RTN3: variants seen among roughly 807,000 people sequenced by gnomAD.
The protein encoded by RTN3 is reticulon 3.
A neutral mutation model predicts 77.8 loss-of-function variants in RTN3; 49 were observed. The observed-to-expected ratio is 0.63, with a 90% CI of 0.50 to 0.80. The LOEUF (loss-of-function observed/expected upper bound fraction) is 0.80. Ranked by LOEUF, RTN3 falls within the 30% of genes least tolerant of loss-of-function variation. RTN3 has a pLI of 0.00. For missense variants in RTN3, 1,236 were observed against 1,211.9 expected (o/e 1.02, Z -0.29); for synonymous variants, 464 against 446.9 (o/e 1.04, Z -0.48).
chr11:63,719,619 G>A lies in RTN3; in HGVS notation c.1117G>A (p.Glu373Lys), dbSNP rs1201162571. 3 of 1,613,658 alleles carry A rather than the reference G, an allele frequency of 1.9e-6. No individual in the cohort carries two copies. Among genetic ancestry groups the A allele is most frequent in the Non-Finnish European group, 2.5e-6 (3 of 1,179,934 alleles). ...ACTTGACATGAGTGAATATAATTCA[G>A]AAATTCCAGTTGTAAATCTTAAAAC... ...TGLDMSEYNS[E>K]IPVVNLKTST... The change falls in exon 3 of 9, where the codon GAA (glutamate) becomes AAA (lysine). Residue 373 changes from glutamate to lysine, a missense_variant. Physicochemically the swap from Glu to Lys is moderately conservative, Grantham distance 56. Coordinates refer to ENST00000377819, the MANE Select transcript of RTN3 (RefSeq NM_001265589.2).
chr11:63,711,461 C>CT (rs1395886790), intron 2 of RTN3, among the ~76,000 whole-genome samples: 1 of 151,410 alleles, frequency 6.6e-6, no homozygotes, highest in Non-Finnish European at 1.5e-5. Context: ...TCAATTAGGG[C>CT]TCACTGCAGC....
chr11:63,752,369 C>A, intron 4 of RTN3, 138 bp from the exon 5 acceptor site: 1 of 723,008 alleles, frequency 1.4e-6, no homozygotes, highest in East Asian at 2.5e-5. Context: ...GTCTCCACCC[C>A]ACCTGATGAC....
intron 3 of RTN3, among the ~76,000 whole-genome samples, chr11:63,724,215 C>T (rs1419635235): frequency 7.6e-6 from 1 of 131,562 alleles, no homozygotes; most frequent in Admixed American, 8.5e-5. Context: ...CAGAGTCTCG[C>T]TCTGTCGCCC....
chr11:63,706,297 C>T (rs1379111581), intron 2 of RTN3, among the ~76,000 whole-genome samples: 1 of 152,126 alleles, frequency 6.6e-6, no homozygotes, highest in Non-Finnish European at 1.5e-5. Context: ...TCAAGCGATC[C>T]CCCCACCTCA....
chr11:63,694,576 C>T (rs536194364), intron 1 of RTN3, among the ~76,000 whole-genome samples: 84 of 152,150 alleles, frequency 5.5e-4, no homozygotes, highest in Non-Finnish European at 4.6e-4. Flanking sequence ...GGGCTCAAGC[C>T]GTCCTCCCAC....
chr11:63,691,634 T>G (rs1000416771), intron 1 of RTN3, among the ~76,000 whole-genome samples: 14 of 152,190 alleles, frequency 9.2e-5, no homozygotes, highest in African/African-American at 3.4e-4. Flanking sequence ...TTCCTTCTTT[T>G]GCTCAAATCA....
intron 3 of RTN3, among the ~76,000 whole-genome samples, chr11:63,725,622 T>G (rs1317147324): frequency 1.3e-5 from 2 of 152,088 alleles, no homozygotes; most frequent in Admixed American, 6.6e-5. Flanking sequence ...CTAATTTTAT[T>G]TTTGTATTTT....
intron 3 of RTN3, among the ~76,000 whole-genome samples, chr11:63,746,240 C>T (rs1210076027): frequency 6.6e-6 from 1 of 152,176 alleles, no homozygotes; most frequent in Non-Finnish European, 1.5e-5. Flanking sequence ...TCCTGTCTTT[C>T]AAATATTTTG....
chr11:63,743,470 C>T (rs1319010477), intron 3 of RTN3, among the ~76,000 whole-genome samples: 1 of 151,938 alleles, frequency 6.6e-6, no homozygotes, highest in Non-Finnish European at 1.5e-5. Flanking sequence ...TGGAATTCTT[C>T]CTTGGTGGAA....
chr11:63,685,814 A>G (rs1052761494), intron 1 of RTN3, among the ~76,000 whole-genome samples: 1 of 152,194 alleles, frequency 6.6e-6, no homozygotes, highest in Non-Finnish European at 1.5e-5. Context: ...TTGGTGTCCT[A>G]CAGAAAACAA....
At chr11:63,687,953 C>A (rs1334370317) in intron 1 of RTN3, among the ~76,000 whole-genome samples, 1 of 152,134 alleles carries the variant, frequency 6.6e-6, no homozygotes, top group Non-Finnish European at 1.5e-5. Flanking sequence ...ACATTAATGT[C>A]ATAAAGCTGC....
chr11:63,705,394 T>C (rs895877518), intron 2 of RTN3, among the ~76,000 whole-genome samples: 1 of 152,150 alleles, frequency 6.6e-6, no homozygotes, highest in Non-Finnish European at 1.5e-5. Flanking sequence ...GTGGGAGGAT[T>C]GCTTGAGCCC....
chr11:63,754,861 G>A (rs1373707150), intron 7 of RTN3, among the ~76,000 whole-genome samples: 1 of 147,806 alleles, frequency 6.8e-6, no homozygotes, highest in Non-Finnish European at 1.5e-5. Flanking sequence ...CTGGGAGGTG[G>A]AGCTTGCAGT....
In RTN3 at chr11:63,719,786, A is replaced by G. The variant is rs1021572122; in HGVS notation, c.1284A>G (p.Thr428=). The change falls in exon 3 of 9, where the codon ACA becomes ACG. Residue 428 remains threonine (T), a synonymous_variant. Transcript: ENST00000377819. The stretch of plus-strand genomic sequence containing the variant: ...CTGTACCTGACTCTTTGAATTCCAC[A>G]AAAGAATTCAGTATCAAAGGTGTGC... The part of the protein sequence containing the change: ...GKPVPDSLNS[T]KEFSIKGVQG... 6.2e-7 allele frequency: 1 copy of G among 1,614,078 alleles called. No individual in the cohort carries two copies. The highest frequency in any genetic ancestry group is 8.5e-7 in the Non-Finnish European group (1 of 1,180,048).
At chr11:63,692,954 A>G (rs1479925242) in intron 1 of RTN3, among the ~76,000 whole-genome samples, 2 of 152,202 alleles carry the variant, frequency 1.3e-5, no homozygotes, top group African/African-American at 2.4e-5. Flanking sequence ...AGAAAAAAAG[A>G]GAGATGGGGT....
intron 2 of RTN3, among the ~76,000 whole-genome samples, chr11:63,712,852 T>A (rs2011202002): frequency 6.6e-6 from 1 of 152,090 alleles, no homozygotes; most frequent in South Asian, 2.1e-4. Flanking sequence ...TCCCAGCACT[T>A]GGAGAGGCCG....
chr11:63,716,051 T>G (rs1258395561), intron 2 of RTN3, among the ~76,000 whole-genome samples: 1 of 152,210 alleles, frequency 6.6e-6, no homozygotes. Context: ...AAGTGTTTTG[T>G]TTTGGTAATA....
At chr11:63,739,259 GA>G (rs71039668) in intron 3 of RTN3, among the ~76,000 whole-genome samples, 1 of 151,790 alleles carries the variant, frequency 6.6e-6, no homozygotes, top group African/African-American at 2.4e-5. Flanking sequence ...TCCTTTAAAT[GA>G]AAAAAAATTA....
intron 1 of RTN3, among the ~76,000 whole-genome samples, chr11:63,702,265 T>A (rs960517807): frequency 6.6e-6 from 1 of 152,046 alleles, no homozygotes; most frequent in Non-Finnish European, 1.5e-5. Flanking sequence ...TTTATGTTCT[T>A]AGTGTGTGGT....
Sources: allele counts gnomAD v4.1 joint callset (sites outside exome capture counted in the v4.1 genomes callset), GRCh38; gene constraint gnomAD v4.1.1; transcripts MANE v1.5; gene names NCBI Gene and HGNC (gene_info 2026-07-23, HGNC 2026-07-21).